The following MED15 variants were observed in gnomAD, a reference collection of about 807,000 sequenced individuals.
The protein encoded by MED15 is mediator complex subunit 15, also known as mediator of RNA polymerase II transcription subunit 15.
In MED15, 41 loss-of-function variants were observed where a neutral mutation model predicts 118.7. The observed-to-expected ratio is 0.35, with a 90% CI of 0.27 to 0.45. The LOEUF is 0.45. Ranked by LOEUF, MED15 falls within the 20% of genes least tolerant of loss-of-function variation. The pLI is 1.00. For missense variants in MED15, 740 were observed against 1,025.5 expected (o/e 0.72, Z 3.80); for synonymous variants, 436 against 413.9 (o/e 1.05, Z -0.65).
chr22:20,582,542 T>C (rs1172889038), intron 9 of MED15, 69 bp from the exon 10 acceptor site: 1 of 1,533,564 alleles, frequency 6.5e-7, no homozygotes, highest in Non-Finnish European at 8.7e-7. Flanking sequence ...ATGCGTGCGG[T>C]GGGCAGGTGG....
chr22:20,577,257 G>A (rs17819470), intron 9 of MED15, among the ~76,000 whole-genome samples: 5,802 of 152,154 alleles, frequency 0.038, 174 homozygotes, highest in South Asian at 0.12. Flanking sequence ...CTTGTTTACT[G>A]GGCACTCCTG....
chr22:20,540,411 CAAAAT>C (rs1306732822), intron 2 of MED15, among the ~76,000 whole-genome samples: 1 of 152,112 alleles, frequency 6.6e-6, no homozygotes. Context: ...AAACTTAACT[CAAAAT>C]AAAAAACACC....
Position 20,585,035 on chromosome 22 carries a change from G to T in MED15, c.1964+20G>T. On this transcript the variant is annotated intron_variant, in intron 15 of 17. Transcript: ENST00000263205. ...CATCACGTATGTCCAGCTGGGCTGG[G>T]CTTTGCGGAGGGCGGCCAGCCCTGG... 1 of 1,613,834 alleles carries T rather than the reference G, an allele frequency of 6.2e-7. No homozygotes were observed. Among genetic ancestry groups the T allele is most frequent in the Non-Finnish European group, 8.5e-7 (1 of 1,179,924 alleles).
chr22:20,565,082 G>A (rs1421064614), intron 6 of MED15, among the ~76,000 whole-genome samples: 12 of 152,318 alleles, frequency 7.9e-5, no homozygotes, highest in Middle Eastern at 6.8e-3. Context: ...CCGAGATCGC[G>A]CCGCTGCGCT....
chr22:20,556,610 G>GT (rs1170655371), intron 5 of MED15, among the ~76,000 whole-genome samples: 2 of 152,040 alleles, frequency 1.3e-5, no homozygotes, highest in Non-Finnish European at 2.9e-5. Flanking sequence ...GACTTCATCA[G>GT]TTTTTTTACA....
chr22:20,537,257 C>T lies in MED15; in HGVS notation c.156+53C>T, dbSNP rs747743334. 3.6e-4 allele frequency: 548 copies of T among 1,526,498 alleles called. 1 individual carries two copies. The highest frequency in any genetic ancestry group is 4.2e-4 in the Non-Finnish European group (465 of 1,104,022). The allele number at this position is 1,526,498 out of a possible 1,614,324, so 94.6% of individuals were successfully genotyped here. A position where few individuals can be genotyped will look rare whatever the true frequency, so the allele number is the denominator to read the frequency against. On this transcript the variant is annotated intron_variant, in intron 2 of 17. Coordinates refer to ENST00000263205, the MANE Select transcript of MED15 (RefSeq NM_001003891.3). Reference sequence around the variant, plus strand: ...TGGCAGAGAGACTTGGAGAGGAGAGCATCACAGACTCTGGAACCCCTCTGT... The same window carrying T: ...TGGCAGAGAGACTTGGAGAGGAGAGTATCACAGACTCTGGAACCCCTCTGT...
Position 20,564,609 on chromosome 22 carries a change from T to TGCAGCAGCA in MED15, c.620_628dup (p.Gln207_Gln209dup), listed in dbSNP as rs749884434. Reference sequence around the variant, plus strand: ...ATGCAGCAGCAGTTCCAAGCAGTAGTGCAGCAGCAGCAGCAGCTCCAGCAG... The same window carrying TGCAGCAGCA: ...ATGCAGCAGCAGTTCCAAGCAGTAGTGCAGCAGCAGCAGCAGCAGCAGCAGCTCCAGCAG... On this transcript the variant is annotated inframe_insertion, in exon 6 of 18. Transcript: ENST00000263205. 7 of 1,608,026 alleles carry TGCAGCAGCA rather than the reference T, an allele frequency of 4.4e-6. No individual in the cohort carries two copies. The Admixed American group carries it at 1.0e-4, about 23-fold the overall frequency.
chr22:20,534,451 G>C (rs5995739), intron 1 of MED15, among the ~76,000 whole-genome samples: 3,830 of 152,250 alleles, frequency 0.025, 165 homozygotes, highest in African/African-American at 0.087. Context: ...TTGAGCCCAG[G>C]AGTTTGAAGC....
Position 20,569,916 on chromosome 22 carries a change from T to A in MED15, c.1152+1285T>A, listed in dbSNP as rs530615863. Among the ~76,000 whole-genome samples, 3 of 152,338 alleles carry A rather than the reference T, an allele frequency of 2.0e-5. No homozygotes were observed. In the South Asian group the frequency reaches 6.2e-4, roughly 32 times the overall value. On this transcript the variant is annotated intron_variant, in intron 8 of 17. Coordinates refer to ENST00000263205, the MANE Select transcript of MED15 (RefSeq NM_001003891.3). ...GGTCTCATGCAGAGGAAGGACGTGG[T>A]GTGTTCAGAGTCAGCTTAGTGGTGG...
chr22:20,577,592 T>C (rs956933912), intron 9 of MED15, among the ~76,000 whole-genome samples: 1 of 151,988 alleles, frequency 6.6e-6, no homozygotes, highest in Non-Finnish European at 1.5e-5. Flanking sequence ...AAATATATGA[T>C]GAAGCTGAAA....
chr22:20,527,461 T>G (rs1009083248), intron 1 of MED15, among the ~76,000 whole-genome samples: 6 of 151,858 alleles, frequency 4.0e-5, no homozygotes, highest in Non-Finnish European at 7.4e-5. Flanking sequence ...CCGTTTTTTT[T>G]GATAAATTTT....
At chr22:20,573,515 G>A (rs165666) in intron 8 of MED15, among the ~76,000 whole-genome samples, 29,979 of 151,996 alleles carry the variant, frequency 0.2, 3,012 homozygotes, top group South Asian at 0.25. Flanking sequence ...CAGACCTGGG[G>A]GTGGGGGAGA....
chr22:20,579,516 C>T (rs1254833344), intron 9 of MED15, among the ~76,000 whole-genome samples: 15 of 150,258 alleles, frequency 1.0e-4, no homozygotes, highest in Admixed American at 8.6e-4. Flanking sequence ...GAGCAAGGAA[C>T]GGTTCCCAGT....
chr22:20,550,242 A>G (rs1483882361), intron 2 of MED15, among the ~76,000 whole-genome samples: 3 of 152,026 alleles, frequency 2.0e-5, no homozygotes, highest in African/African-American at 7.2e-5. Flanking sequence ...CAGCTTTCCT[A>G]TCAGTAATTG....
At chr22:20,583,511 GC>G in intron 13 of MED15, 118 bp downstream of exon 13, 2 of 1,222,916 alleles carry the variant, frequency 1.6e-6, no homozygotes, top group Non-Finnish European at 2.4e-6. Flanking sequence ...TTGGACCCTG[GC>G]CAGAGGCCTC....
chr22:20,515,076 G>A (rs1427565515), intron 1 of MED15, among the ~76,000 whole-genome samples: 1 of 152,168 alleles, frequency 6.6e-6, no homozygotes, highest in African/African-American at 2.4e-5. Context: ...GCTCCTGATG[G>A]GCAAATAGGA....
In MED15 at chr22:20,521,914, T is replaced by A. The variant is rs914562824; in HGVS notation, c.68+14168T>A. On this transcript the variant is annotated intron_variant, in intron 1 of 17. Coordinates refer to ENST00000263205, the MANE Select transcript of MED15 (RefSeq NM_001003891.3). ...CTAATTTTTGTATTTTTAGTAGAGA[T>A]GGGGTTTCGCCATGTTGGGCAGGCT... 2.6e-5 allele frequency among the ~76,000 whole-genome samples: 4 copies of A among 151,760 alleles called. No individual in the cohort carries two copies. In the South Asian group the frequency reaches 8.3e-4, roughly 32 times the overall value.
At chr22:20,507,927 C>T in intron 1 of MED15, 181 bp downstream of exon 1, 1 of 1,446,754 alleles carries the variant, frequency 6.9e-7, no homozygotes, top group Non-Finnish European at 9.1e-7. Context: ...ACATGGACTG[C>T]TCGTTTGCTT....
intron 2 of MED15, among the ~76,000 whole-genome samples, chr22:20,538,912 G>A (rs2055182670): frequency 6.6e-6 from 1 of 151,976 alleles, no homozygotes; most frequent in Non-Finnish European, 1.5e-5. Context: ...TGTTGGCCAG[G>A]CTGGTCTCAA....
Sources: allele counts gnomAD v4.1 joint callset (sites outside exome capture counted in the v4.1 genomes callset), GRCh38; gene constraint gnomAD v4.1.1; transcripts MANE v1.5; gene names NCBI Gene and HGNC (gene_info 2026-07-23, HGNC 2026-07-21).